Variants in BROX observed in about 807,000 individuals in gnomAD.
BROX encodes BRO1 domain-containing protein BROX.
BROX carries 53 observed loss-of-function variants against 61.0 expected under a neutral mutation model. That is an observed-to-expected ratio of 0.87 (90% CI 0.70 to 1.09). The LOEUF is 1.09. Among genes scored for constraint, BROX ranks in the 50% least tolerant of loss-of-function variants. The pLI is 0.00. For missense variants in BROX, 489 were observed against 472.0 expected, an observed-to-expected ratio of 1.04 and a Z score of -0.33; for synonymous variants, 152 against 160.2, an observed-to-expected ratio of 0.95 and a Z score of 0.38.
intron 2 of BROX, among the ~76,000 whole-genome samples, chr1:222,718,565 C>T (rs1206581234): frequency 6.6e-6 from 1 of 152,122 alleles, no homozygotes; most frequent in South Asian, 2.1e-4. Flanking sequence ...TCTTTCCCCA[C>T]ATCTTAAGTG....
At chr1:222,723,154 T>C (rs1657224505) in intron 5 of BROX, among the ~76,000 whole-genome samples, 1 of 152,176 alleles carries the variant, frequency 6.6e-6, no homozygotes, top group South Asian at 2.1e-4. Flanking sequence ...CTAAAGTAAA[T>C]TAGGTGATTA....
chr1:222,729,829 G>A (rs1657804509), intron 10 of BROX, 128 bp downstream of exon 10: 3 of 1,069,956 alleles, frequency 2.8e-6, no homozygotes, highest in African/African-American at 1.6e-5. Flanking sequence ...TGACATAATT[G>A]GAGAAAAGAA....
intron 1 of BROX, among the ~76,000 whole-genome samples, chr1:222,714,780 A>C (rs72740117): frequency 1.3e-5 from 2 of 150,916 alleles, no homozygotes; most frequent in Non-Finnish European, 3.0e-5. Flanking sequence ...GGGTCTCACC[A>C]TGTTGCCCAA....
rs1017909614 is a variant in BROX at position 222,733,914 on chromosome 1, A to G, written c.*1200A>G. On this transcript the variant is annotated 3_prime_UTR_variant, in exon 13 of 13. Coordinates refer to ENST00000340934, the MANE Select transcript of BROX (RefSeq NM_144695.4). Reference sequence around the variant, plus strand: ...TCCTGAATTACACTGGTAACTCTCTACTTCTTTATTAAAGAAGTTATAGTA... The same window carrying G: ...TCCTGAATTACACTGGTAACTCTCTGCTTCTTTATTAAAGAAGTTATAGTA... 1.3e-5 allele frequency: 2 copies of G among 152,204 alleles called. No homozygotes were observed. Among genetic ancestry groups the G allele is most frequent in the Admixed American group, 1.3e-4 (2 of 15,282 alleles). 9.4% of individuals were successfully genotyped at this position (152,204 alleles called of 1,614,324 possible).
intron 4 of BROX, among the ~76,000 whole-genome samples, chr1:222,722,085 AT>A (rs1347991332): frequency 6.6e-6 from 1 of 152,236 alleles, no homozygotes; most frequent in African/African-American, 2.4e-5. Context: ...CTTGTTAAAA[AT>A]ACGATTCTAA....
At chr1:222,728,997 G>T (rs1657732511) in intron 9 of BROX, among the ~76,000 whole-genome samples, 169 bp downstream of exon 9, 1 of 152,072 alleles carries the variant, frequency 6.6e-6, no homozygotes, top group Non-Finnish European at 1.5e-5. Flanking sequence ...AACTAAAGTG[G>T]GTGGAAAGAG....
At chr1:222,723,407 C>T (rs1387767081) in intron 5 of BROX, among the ~76,000 whole-genome samples, 1 of 152,172 alleles carries the variant, frequency 6.6e-6, no homozygotes, top group African/African-American at 2.4e-5. Context: ...TCCCAAAGTA[C>T]TGGGATTACA....
chr1:222,729,559 A>C, intron 9 of BROX, 61 bp from the exon 10 acceptor site: 2 of 1,328,436 alleles, frequency 1.5e-6, no homozygotes, highest in South Asian at 2.4e-5. Context: ...AGATACATAA[A>C]ACAATAGGGG....
At chr1:222,722,662 G>A in intron 5 of BROX, 148 bp downstream of exon 5, 1 of 631,102 alleles carries the variant, frequency 1.6e-6, no homozygotes, top group Non-Finnish European at 2.7e-6. Flanking sequence ...TCAGAATTAT[G>A]GCACCTAGCG....
intron 4 of BROX, 23 bp downstream of exon 4, chr1:222,719,382 T>C: frequency 6.6e-7 from 1 of 1,520,774 alleles, no homozygotes; most frequent in Non-Finnish European, 9.1e-7. Context: ...AAAGTAATAC[T>C]AAATTGGAGC....
At chr1:222,725,196 G>A (rs553155782) in intron 6 of BROX, among the ~76,000 whole-genome samples, 99 of 152,250 alleles carry the variant, frequency 6.5e-4, no homozygotes, top group African/African-American at 2.2e-3. Context: ...TGTGACTTGC[G>A]TATCTCAGCA....
rs1421472295 is a variant in BROX at position 222,712,819 on chromosome 1, T to A, written c.-140T>A. The A allele has an allele frequency of 7.8e-7, 1 of 1,288,492 alleles. No homozygotes were observed. The highest frequency in any genetic ancestry group is 5.6e-5 in the East Asian group (1 of 17,988). The allele number at this position is 1,288,492 out of a possible 1,614,324, so 79.8% of individuals were successfully genotyped here. A position where few individuals can be genotyped will look rare whatever the true frequency, so the allele number is the denominator to read the frequency against. On this transcript the variant is annotated 5_prime_UTR_variant, in exon 1 of 13. Transcript: ENST00000340934. ...ACGTGACTCCGGCTTGGCGCCGTCC[T>A]GGTTTTCCGTCACCCTGGTTCTGTA...
At chr1:222,720,692 A>G (rs1485016257) in intron 4 of BROX, among the ~76,000 whole-genome samples, 1 of 151,976 alleles carries the variant, frequency 6.6e-6, no homozygotes, top group Non-Finnish European at 1.5e-5. Flanking sequence ...AGGTACCTAT[A>G]ATCCCAGCTA....
intron 6 of BROX, 142 bp downstream of exon 6, chr1:222,724,306 T>G: frequency 3.0e-6 from 2 of 662,410 alleles, no homozygotes; most frequent in South Asian, 4.1e-5. Flanking sequence ...ATGTTAAGTA[T>G]GTTATTGATG....
intron 2 of BROX, chr1:222,718,156 T>C (rs1049860250): frequency 1.3e-5 from 2 of 151,876 alleles, no homozygotes; most frequent in African/African-American, 4.8e-5. Flanking sequence ...GAGTTGGGAA[T>C]GAAAAGGAGA....
At chr1:222,715,651 A>C (rs750538251) in intron 1 of BROX, 33 bp from the exon 2 acceptor site, 1 of 922,086 alleles carries the variant, frequency 1.1e-6, no homozygotes, top group Admixed American at 2.9e-5. Context: ...TTTATATTTA[A>C]TTTTTGTATA....
At chr1:222,723,109 G>A (rs1187927096) in intron 5 of BROX, among the ~76,000 whole-genome samples, 1 of 152,188 alleles carries the variant, frequency 6.6e-6, no homozygotes, top group African/African-American at 2.4e-5. Flanking sequence ...ACTTGAAAAT[G>A]ATGTCAAATT....
At position 222,728,780 on chromosome 1, in the gene BROX, C is replaced by A; in HGVS notation, c.708C>A (p.Ala236=). The A allele has an allele frequency of 6.2e-7, 1 of 1,602,772 alleles. No homozygotes were observed. The highest frequency in any genetic ancestry group is 8.5e-7 in the Non-Finnish European group (1 of 1,171,762). Residue 236 remains alanine (A), a synonymous_variant, in exon 9 of 13, where the codon GCC becomes GCA. Transcript: ENST00000340934. Reference sequence around the variant, plus strand: ...CCAGTTTGGAGCCTGCATATTCTGCCAAATGGAGAAAATATCTTCACTTGA... The same window carrying A: ...CCAGTTTGGAGCCTGCATATTCTGCAAAATGGAGAAAATATCTTCACTTGA... ...TLSSLEPAYS[A]KWRKYLHLKM... is the part of the protein sequence containing the mutation.
Position 222,730,142 on chromosome 1 carries a change from C to G in BROX, c.954C>G (p.Asn318Lys). 6.2e-7 allele frequency: 1 copy of G among 1,611,092 alleles called. No individual in the cohort carries two copies. The highest frequency in any genetic ancestry group is 8.5e-7 in the Non-Finnish European group (1 of 1,178,246). ...GGAAACTTGGAAACCTTGTGAAGAA[C>G]ACCCTAGAAAAATGTCAGAGAGAAA... Reference protein sequence around the residue: ...FFRKLGNLVKNTLEKCQRENG... With the variant: ...FFRKLGNLVKKTLEKCQRENG... The change falls in exon 11 of 13, where the codon AAC becomes AAG. Residue 318 changes from asparagine to lysine, a missense_variant. Transcript: ENST00000340934.
Sources: allele counts gnomAD v4.1 joint callset (sites outside exome capture counted in the v4.1 genomes callset), GRCh38; gene constraint gnomAD v4.1.1; transcripts MANE v1.5; gene names NCBI Gene and HGNC (gene_info 2026-07-23, HGNC 2026-07-21).